SPMIP2: variants seen among roughly 807,000 people sequenced by gnomAD.
SPMIP2 encodes sperm microtubule inner protein 2, also known as protein SPMIP2.
the SPMIP2 span, among the ~76,000 whole-genome samples, chr4:158,940,777 T>C: frequency 6.6e-6 from 1 of 152,204 alleles, no homozygotes; most frequent in Non-Finnish European, 1.5e-5. Context: ...TGGATACATA[T>C]GTGGATATGT....
At chr4:158,935,613 T>C in the SPMIP2 span, among the ~76,000 whole-genome samples, 3 of 152,226 alleles carry the variant, frequency 2.0e-5, no homozygotes, top group Non-Finnish European at 4.4e-5. Flanking sequence ...TGCACAACGA[T>C]AAAGGGTTTG....
At chr4:159,058,568 T>G in the SPMIP2 span, among the ~76,000 whole-genome samples, 1 of 152,270 alleles carries the variant, frequency 6.6e-6, no homozygotes, top group African/African-American at 2.4e-5. Flanking sequence ...TCTGAATAGG[T>G]TTAAGGGCAA....
the SPMIP2 span, among the ~76,000 whole-genome samples, chr4:159,021,854 C>G: frequency 6.6e-6 from 1 of 152,170 alleles, no homozygotes; most frequent in Non-Finnish European, 1.5e-5. Flanking sequence ...GTGTGCATAT[C>G]CTGGTGAGGG....
At chr4:158,980,345 C>T in the SPMIP2 span, among the ~76,000 whole-genome samples, 6 of 152,338 alleles carry the variant, frequency 3.9e-5, no homozygotes, top group South Asian at 2.1e-4. Flanking sequence ...GCACAGCATT[C>T]GAGCTCTGCT....
At chr4:159,060,180 C>G in the SPMIP2 span, among the ~76,000 whole-genome samples, 1 of 152,116 alleles carries the variant, frequency 6.6e-6, no homozygotes, top group Non-Finnish European at 1.5e-5. Context: ...GTTTTACCAG[C>G]TGGGTCAGAT....
chr4:158,922,037 G>A, the SPMIP2 span, among the ~76,000 whole-genome samples: 1 of 151,924 alleles, frequency 6.6e-6, no homozygotes, highest in African/African-American at 2.4e-5. Flanking sequence ...ACAGGCGCCT[G>A]CCACCACACC....
chr4:159,076,961 G>A, the SPMIP2 span, among the ~76,000 whole-genome samples: 38 of 151,174 alleles, frequency 2.5e-4, no homozygotes, highest in East Asian at 3.1e-3. Context: ...TCAGCCTCCC[G>A]AATATCTGGG....
At chr4:159,072,451 C>CT in the SPMIP2 span, among the ~76,000 whole-genome samples, 38 of 69,110 alleles carry the variant, frequency 5.5e-4, 1 homozygote, top group East Asian at 8.4e-3. Flanking sequence ...CTTATGAATT[C>CT]TTTTTTTTTT....
chr4:159,056,362 C>G, the SPMIP2 span, among the ~76,000 whole-genome samples: 1 of 151,812 alleles, frequency 6.6e-6, no homozygotes, highest in Non-Finnish European at 1.5e-5. Context: ...CAGTCTTCCA[C>G]CTCTATTGTT....
the SPMIP2 span, among the ~76,000 whole-genome samples, chr4:159,048,266 A>ATC: frequency 6.6e-6 from 1 of 152,182 alleles, no homozygotes; most frequent in African/African-American, 2.4e-5. Flanking sequence ...AGCCTGTGCT[A>ATC]TCTCCTGTTG....
chr4:159,053,157 C>G, the SPMIP2 span, among the ~76,000 whole-genome samples: 1 of 150,376 alleles, frequency 6.6e-6, no homozygotes, highest in Non-Finnish European at 1.5e-5. Context: ...GGGGTTTCAC[C>G]GTTTTAGCCG....
chr4:158,926,308 T>C, the SPMIP2 span, among the ~76,000 whole-genome samples: 2 of 152,150 alleles, frequency 1.3e-5, no homozygotes, highest in South Asian at 4.1e-4. Context: ...CTTCCCTTTT[T>C]ATTGTAGGTA....
the SPMIP2 span, among the ~76,000 whole-genome samples, chr4:159,068,607 A>G: frequency 3.3e-5 from 5 of 152,092 alleles, no homozygotes; most frequent in Admixed American, 3.3e-4. Flanking sequence ...ACATGCATAC[A>G]TATGTAACAA....
At chr4:158,915,113 A>G in the SPMIP2 span, 1 of 1,449,308 alleles carries the variant, frequency 6.9e-7, no homozygotes, top group Non-Finnish European at 9.4e-7. Flanking sequence ...TCCCTGATTT[A>G]TATGTTAAAG....
the SPMIP2 span, among the ~76,000 whole-genome samples, chr4:159,078,918 G>T: frequency 6.6e-6 from 1 of 152,114 alleles, no homozygotes; most frequent in Non-Finnish European, 1.5e-5. Flanking sequence ...AGGAGTTTGA[G>T]ACCAGCTTGG....
the SPMIP2 span, among the ~76,000 whole-genome samples, chr4:158,940,488 A>G: frequency 1.4e-5 from 2 of 147,788 alleles, no homozygotes; most frequent in African/African-American, 2.5e-5. Flanking sequence ...GCAGCCCTGG[A>G]TTTTCAGTCC....
the SPMIP2 span, among the ~76,000 whole-genome samples, chr4:159,003,615 T>C: frequency 3.3e-5 from 5 of 152,284 alleles, no homozygotes; most frequent in African/African-American, 4.8e-5. Context: ...TCAACTACCC[T>C]TGTGAGAATG....
the SPMIP2 span, chr4:159,035,066 A>T: frequency 6.2e-7 from 1 of 1,613,438 alleles, no homozygotes; most frequent in Non-Finnish European, 8.5e-7. Context: ...ACAGTAGTAG[A>T]TGTTGGCTTT....
At chr4:158,937,819 G>A in the SPMIP2 span, among the ~76,000 whole-genome samples, 717 of 152,252 alleles carry the variant, frequency 4.7e-3, 23 homozygotes, top group Admixed American at 0.035. Context: ...ACTGATTTAC[G>A]GCTATACCTG....
Sources: allele counts gnomAD v4.1 joint callset (sites outside exome capture counted in the v4.1 genomes callset), GRCh38; gene constraint gnomAD v4.1.1; transcripts MANE v1.5; gene names NCBI Gene and HGNC (gene_info 2026-07-23, HGNC 2026-07-21).